The following FBXL2 variants were observed in gnomAD, a reference collection of about 807,000 sequenced individuals.
The protein encoded by FBXL2 is F-box/LRR-repeat protein 2.
Under a neutral mutation model 69.2 loss-of-function variants are expected in FBXL2, and 38 were observed. The observed-to-expected ratio is 0.55, with a 90% CI of 0.42 to 0.72. FBXL2 has a LOEUF of 0.72. Ranked by LOEUF, FBXL2 falls within the 30% of genes least tolerant of loss-of-function variation. The pLI, the probability that FBXL2 is intolerant of heterozygous loss-of-function variation, is 0.00. For missense variants in FBXL2, 354 were observed against 520.3 expected (o/e 0.68, Z 3.11); for synonymous variants, 192 against 201.3 (o/e 0.95, Z 0.39).
chr3:33,327,124 T>TA (rs1044743389), intron 2 of FBXL2, among the ~76,000 whole-genome samples: 2 of 152,178 alleles, frequency 1.3e-5, no homozygotes, highest in African/African-American at 2.4e-5. Flanking sequence ...ATTATTATCT[T>TA]AAAAAAAGTT....
chr3:33,279,410 A>G (rs2033717494), intron 1 of FBXL2, among the ~76,000 whole-genome samples: 1 of 152,112 alleles, frequency 6.6e-6, no homozygotes, highest in Non-Finnish European at 1.5e-5. Context: ...AGCTGGGACT[A>G]CAGGCGAGTG....
chr3:33,333,687 C>G (rs2039344010), intron 2 of FBXL2, among the ~76,000 whole-genome samples: 2 of 152,144 alleles, frequency 1.3e-5, no homozygotes, highest in Admixed American at 1.3e-4. Flanking sequence ...GTGGGTCTGA[C>G]TTAGACACTA....
chr3:33,403,486 C>CTCTATCTATCTATCTA (rs149670278), exon 13 of FBXL2: 67 of 98,466 alleles, frequency 6.8e-4, no homozygotes, highest in African/African-American at 1.8e-3. Flanking sequence ...CTACATCTAT[C>CTCTATCTATCTATCTA]TCTATCTATC....
At chr3:33,411,188 T>C in the FBXL2 span, among the ~76,000 whole-genome samples, 1 of 152,204 alleles carries the variant, frequency 6.6e-6, no homozygotes, top group Non-Finnish European at 1.5e-5. Flanking sequence ...TTATCCTATT[T>C]GTAGAGGTTT....
At chr3:33,345,287 A>G (rs2040351002) in intron 2 of FBXL2, among the ~76,000 whole-genome samples, 1 of 152,088 alleles carries the variant, frequency 6.6e-6, no homozygotes, top group Admixed American at 6.6e-5. Context: ...AAGATCCCTA[A>G]CTTAATTACG....
intron 1 of FBXL2, among the ~76,000 whole-genome samples, chr3:33,296,805 AT>A (rs1456992420): frequency 6.6e-6 from 1 of 152,160 alleles, no homozygotes; most frequent in Non-Finnish European, 1.5e-5. Context: ...TTTGTAGTAA[AT>A]TTCAAAATCT....
chr3:33,375,483 T>C (rs570595914), intron 10 of FBXL2, 65 bp downstream of exon 10: 1 of 1,579,166 alleles, frequency 6.3e-7, no homozygotes, highest in African/African-American at 1.3e-5. Flanking sequence ...GAGGGCTTCC[T>C]TCAGGAGAGG....
Position 33,358,988 on chromosome 3 carries a change from A to G in FBXL2, c.87A>G (p.Ile29Met). The G allele has an allele frequency of 6.4e-7, 1 of 1,553,010 alleles. No individual in the cohort carries two copies. Among genetic ancestry groups the G allele is most frequent in the Non-Finnish European group, 8.7e-7 (1 of 1,144,792 alleles). ...LLLRIFSFLD[I>M]VTLCRCAQIS... ...GTAGAATATTTTCCTTCTTGGATAT[A>G]GTAACTTTGTGCCGATGTGCACAGA... Residue 29 changes from isoleucine (I) to methionine (M), a missense_variant, in exon 3 of 15, where the codon ATA becomes ATG. Physicochemically the swap from Ile to Met is conservative, Grantham distance 10 (BLOSUM62 1). Coordinates refer to ENST00000484457, the MANE Select transcript of FBXL2 (RefSeq NM_012157.5).
chr3:33,384,905 G>A (rs2043315545), intron 14 of FBXL2, among the ~76,000 whole-genome samples: 1 of 152,144 alleles, frequency 6.6e-6, no homozygotes, highest in East Asian at 1.9e-4. Flanking sequence ...CTGCGTGCCT[G>A]TAATCCCAGC....
At chr3:33,409,743 C>T in the FBXL2 span, 28 of 1,059,114 alleles carry the variant, frequency 2.6e-5, no homozygotes, top group Non-Finnish European at 3.5e-5. Flanking sequence ...GCCAAATTAT[C>T]TATGAACCTA....
At chr3:33,367,309 T>C (rs2042016105) in intron 5 of FBXL2, among the ~76,000 whole-genome samples, 1 of 152,148 alleles carries the variant, frequency 6.6e-6, no homozygotes, top group Admixed American at 6.5e-5. Context: ...CTTGAAGTCC[T>C]GACCTCAGGT....
At position 33,384,015 on chromosome 3, in the gene FBXL2, A is replaced by G. The variant is rs776611312; in HGVS notation, c.978A>G (p.Thr326=). The part of the protein sequence containing the change: ...ALSLSHCELI[T]DDGILHLSNS... ...GCCTGTCCCACTGTGAACTCATCACAGATGATGGGATCCTGCACCTGAGCA... is the reference window on the plus strand; with the variant it reads ...GCCTGTCCCACTGTGAACTCATCACGGATGATGGGATCCTGCACCTGAGCA... Residue 326 remains threonine (T), a synonymous_variant, in exon 14 of 15, where the codon ACA becomes ACG. Coordinates refer to ENST00000484457, the MANE Select transcript of FBXL2 (RefSeq NM_012157.5). 9.9e-6 allele frequency: 16 copies of G among 1,614,180 alleles called. No homozygotes were observed. The East Asian group carries it at 3.3e-4, about 34-fold the overall frequency.
chr3:33,319,909 A>G (rs2038051049), intron 2 of FBXL2, among the ~76,000 whole-genome samples: 1 of 152,214 alleles, frequency 6.6e-6, no homozygotes, highest in Admixed American at 6.5e-5. Context: ...TCTAAAGACA[A>G]AATCTCACAG....
At chr3:33,333,570 G>A (rs191902852) in intron 2 of FBXL2, among the ~76,000 whole-genome samples, 246 of 152,308 alleles carry the variant, frequency 1.6e-3, no homozygotes, top group African/African-American at 5.6e-3. Flanking sequence ...CAGCAGACAA[G>A]AGGAGGTCTG....
chr3:33,399,605 T>C (rs1276919628), intron 12 of FBXL2, among the ~76,000 whole-genome samples: 4 of 152,160 alleles, frequency 2.6e-5, no homozygotes, highest in African/African-American at 9.7e-5. Context: ...AATGACAAAA[T>C]TATAGACAGA....
intron 5 of FBXL2, among the ~76,000 whole-genome samples, chr3:33,365,249 C>T (rs1294215772): frequency 6.6e-6 from 1 of 151,394 alleles, no homozygotes; most frequent in Non-Finnish European, 1.5e-5. Context: ...AAATATTTGC[C>T]CATCTCTTAC....
chr3:33,277,496 C>T lies in FBXL2; in HGVS notation c.-17C>T. The T allele has an allele frequency of 1.5e-6, 2 of 1,297,542 alleles. No individual in the cohort carries two copies. The highest frequency in any genetic ancestry group is 2.0e-6 in the Non-Finnish European group (2 of 1,014,446). 80.4% of individuals were successfully genotyped at this position (1,297,542 alleles called of 1,614,324 possible). A position where few individuals can be genotyped will look rare whatever the true frequency, so the allele number is the denominator to read the frequency against. On this transcript the variant is annotated 5_prime_UTR_variant, in exon 1 of 15. Transcript: ENST00000484457. Reference sequence around the variant, plus strand: ...CGTGTGACTTCGGGCTGTGGGCTCGCTCGCGGCTCTTCGGCCATGGTGAGT... The same window carrying T: ...CGTGTGACTTCGGGCTGTGGGCTCGTTCGCGGCTCTTCGGCCATGGTGAGT...
intron 2 of FBXL2, among the ~76,000 whole-genome samples, chr3:33,299,358 T>A (rs2036059119): frequency 6.6e-6 from 1 of 152,162 alleles, no homozygotes; most frequent in Non-Finnish European, 1.5e-5. Flanking sequence ...CTTTTAATAT[T>A]CCACAGAAAA....
intron 2 of FBXL2, among the ~76,000 whole-genome samples, chr3:33,314,918 C>G (rs891439262): frequency 2.0e-5 from 3 of 152,140 alleles, no homozygotes; most frequent in African/African-American, 7.2e-5. Flanking sequence ...GCCAAGTACC[C>G]TTGTCTGAAT....
Sources: gnomAD v4.1 joint callset for allele counts (sites outside exome capture counted in the v4.1 genomes callset) on GRCh38, gnomAD v4.1.1 for gene constraint, MANE v1.5 for transcripts, NCBI Gene and HGNC (gene_info 2026-07-23, HGNC 2026-07-21) for gene names.